Variants in PLXNC1 observed in about 807,000 individuals in gnomAD.
PLXNC1 encodes the protein plexin C1.
Under a neutral mutation model 178.2 loss-of-function variants are expected in PLXNC1, and 75 were observed. That is an observed-to-expected ratio of 0.42 (90% CI 0.35 to 0.51). PLXNC1 has a LOEUF of 0.51. PLXNC1 is among the 20% of genes least tolerant of loss of function. The probability of loss-of-function intolerance (pLI) is 0.02; values close to 1 mark genes in which losing one functional copy is unlikely to be tolerated. For synonymous variants in PLXNC1, 790 were observed against 779.9 expected, an observed-to-expected ratio of 1.01 and a Z score of -0.22; for missense variants, 1,503 against 1,984.4, an observed-to-expected ratio of 0.76 and a Z score of 4.61.
chr12:94,183,672 T>G (rs1962407574), intron 3 of PLXNC1, among the ~76,000 whole-genome samples: 1 of 152,192 alleles, frequency 6.6e-6, no homozygotes, highest in African/African-American at 2.4e-5. Flanking sequence ...ATTACTTCCT[T>G]CATGGATAGT....
At chr12:94,191,650 G>A (rs1427709810) in intron 4 of PLXNC1, among the ~76,000 whole-genome samples, 3 of 151,996 alleles carry the variant, frequency 2.0e-5, no homozygotes, top group African/African-American at 7.3e-5. Flanking sequence ...CAGGTGTGGT[G>A]GTGCATGCCT....
chr12:94,185,695 G>A (rs3858610), intron 3 of PLXNC1, among the ~76,000 whole-genome samples: 43,110 of 152,140 alleles, frequency 0.28, 6,719 homozygotes, highest in African/African-American at 0.41. Context: ...AGGAGCTGAG[G>A]TGACGGCGCT....
At chr12:94,257,908 C>A (rs137907617) in intron 17 of PLXNC1, among the ~76,000 whole-genome samples, 12 of 142,074 alleles carry the variant, frequency 8.4e-5, no homozygotes, top group African/African-American at 1.1e-4. Context: ...GACTCTGTCT[C>A]AAAAAAAATA....
chr12:94,303,715 T>A, intron 28 of PLXNC1, 41 bp from the exon 29 acceptor site: 13 of 1,085,156 alleles, frequency 1.2e-5, no homozygotes, highest in Non-Finnish European at 1.6e-5. Context: ...TTTTTTTTAC[T>A]CTTTTGGTGA....
chr12:94,274,226 TATG>T (rs1298384121), intron 21 of PLXNC1, among the ~76,000 whole-genome samples: 3 of 143,974 alleles, frequency 2.1e-5, no homozygotes, highest in Non-Finnish European at 4.5e-5. Flanking sequence ...TAGTCTCTGC[TATG>T]TGGGAGGCTG....
chr12:94,159,442 G>A (rs533083681), intron 1 of PLXNC1, among the ~76,000 whole-genome samples: 7 of 152,190 alleles, frequency 4.6e-5, no homozygotes, highest in East Asian at 1.9e-4. Context: ...AAGAAAGGCC[G>A]GTTGCAGGTT....
intron 4 of PLXNC1, among the ~76,000 whole-genome samples, chr12:94,187,192 G>GAC (rs5800150): frequency 2.0e-5 from 3 of 148,586 alleles, no homozygotes; most frequent in African/African-American, 7.4e-5. Context: ...GAGAGAGAGA[G>GAC]AAAAAAAAAC....
intron 3 of PLXNC1, among the ~76,000 whole-genome samples, chr12:94,185,042 C>T (rs76785153): frequency 0.016 from 2,382 of 152,244 alleles, 25 homozygotes; most frequent in Non-Finnish European, 0.025. Context: ...TCATAATAAC[C>T]CCATGAAGTC....
chr12:94,187,118 G>T (rs1962541798), intron 4 of PLXNC1, among the ~76,000 whole-genome samples: 1 of 152,072 alleles, frequency 6.6e-6, no homozygotes, highest in Non-Finnish European at 1.5e-5. Context: ...CCCAGTACTG[G>T]GGCTCTTGCT....
chr12:94,187,070 T>C (rs1409408162), intron 4 of PLXNC1, among the ~76,000 whole-genome samples: 2 of 152,070 alleles, frequency 1.3e-5, no homozygotes, highest in African/African-American at 4.8e-5. Flanking sequence ...CTAGCGTCGC[T>C]GGGCCCGGCC....
At chr12:94,286,603 A>C in intron 23 of PLXNC1, among the ~76,000 whole-genome samples, 1 of 124,126 alleles carries the variant, frequency 8.1e-6, no homozygotes, top group Non-Finnish European at 1.6e-5. Context: ...GAGTCACTGT[A>C]TGTGCTTAAA....
At chr12:94,190,401 C>A (rs1962677217) in intron 4 of PLXNC1, among the ~76,000 whole-genome samples, 1 of 152,124 alleles carries the variant, frequency 6.6e-6, no homozygotes, top group African/African-American at 2.4e-5. Context: ...CACCACCATG[C>A]CCAGGTTTTT....
chr12:94,216,931 A>G (rs949498835), intron 5 of PLXNC1, among the ~76,000 whole-genome samples: 9 of 152,108 alleles, frequency 5.9e-5, no homozygotes, highest in Admixed American at 3.3e-4. Flanking sequence ...AAGGAGTCCT[A>G]TACTGGGTTT....
chr12:94,149,974 G>C lies in PLXNC1; in HGVS notation c.1003G>C (p.Glu335Gln). The C allele has an allele frequency of 6.3e-7, 1 of 1,595,040 alleles. No individual in the cohort carries two copies. Among genetic ancestry groups the C allele is most frequent in the African/African-American group, 1.3e-5 (1 of 74,628 alleles). The change falls in exon 1 of 31, where the codon GAG (glutamate) becomes CAG (glutamine). Residue 335 changes from glutamate to glutamine, a missense_variant. Physicochemically the swap from Glu to Gln is conservative, Grantham distance 29. This residue lies in a region of PLXNC1 where 615 missense variants were observed against 698.6 expected (regional missense o/e 0.88). Transcript: ENST00000258526. ...GGCGCTCTGCCTCTTCAGAATGAGT[G>C]AGATCCAGGCGCGCGCCAAGAGGGT... ...TTALCLFRMSEIQARAKRVSW... is the reference protein window; with the variant it reads ...TTALCLFRMSQIQARAKRVSW...
At chr12:94,264,965 G>A in intron 20 of PLXNC1, 114 bp from the exon 21 acceptor site, 1 of 1,046,746 alleles carries the variant, frequency 9.6e-7, no homozygotes, top group Non-Finnish European at 1.4e-6. Flanking sequence ...GTTTCATGTT[G>A]AGTGTTAGAA....
At chr12:94,156,708 C>CTT (rs936065811) in intron 1 of PLXNC1, among the ~76,000 whole-genome samples, 1 of 143,890 alleles carries the variant, frequency 6.9e-6, no homozygotes, top group African/African-American at 2.5e-5. Flanking sequence ...AACTTTCTTT[C>CTT]TTTTTTTTTT....
At chr12:94,278,609 T>G (rs990065596) in intron 21 of PLXNC1, among the ~76,000 whole-genome samples, 4 of 152,206 alleles carry the variant, frequency 2.6e-5, no homozygotes, top group African/African-American at 9.7e-5. Context: ...GGGATCTCAG[T>G]GCTTTAATGA....
chr12:94,193,799 G>A (rs1962812265), intron 4 of PLXNC1, among the ~76,000 whole-genome samples: 1 of 152,176 alleles, frequency 6.6e-6, no homozygotes, highest in Non-Finnish European at 1.5e-5. Flanking sequence ...ATGGACAGAG[G>A]TGTCGGTTAC....
chr12:94,254,942 T>A (rs998133478), intron 16 of PLXNC1, 54 bp downstream of exon 16: 6 of 1,394,066 alleles, frequency 4.3e-6, no homozygotes, highest in Non-Finnish European at 6.0e-6. Context: ...TTTATACTTT[T>A]ATTTTTTTAC....
Sources: gnomAD v4.1 joint callset for allele counts (sites outside exome capture counted in the v4.1 genomes callset) on GRCh38, gnomAD v4.1.1 for gene constraint, gnomAD v4.1.1 regional missense constraint, MANE v1.5 for transcripts, NCBI Gene and HGNC (gene_info 2026-07-23, HGNC 2026-07-21) for gene names.